Variants in PDXDC1 observed in about 807,000 individuals in gnomAD.
The protein encoded by PDXDC1 is pyridoxal-dependent decarboxylase domain-containing protein 1.
PDXDC1 carries 42 observed loss-of-function variants against 100.1 expected under a neutral mutation model. That is an observed-to-expected ratio of 0.42 (90% CI 0.33 to 0.54). PDXDC1 has a LOEUF of 0.54. Ranked by LOEUF, PDXDC1 falls within the 20% of genes least tolerant of loss-of-function variation. The pLI, the probability that PDXDC1 is intolerant of heterozygous loss-of-function variation, is 0.10. For missense variants in PDXDC1, 636 were observed against 979.2 expected (o/e 0.65, Z 4.68); for synonymous variants, 260 against 371.7 (o/e 0.70, Z 3.46).
chr16:15,090,438 A>G (rs1254590267), intron 16 of PDXDC1, among the ~76,000 whole-genome samples: 1 of 152,218 alleles, frequency 6.6e-6, no homozygotes, highest in East Asian at 1.9e-4. Flanking sequence ...AAGTATTTCC[A>G]TGTTTAAAGC....
chr16:14,985,281 C>CTT (rs769346480), intron 1 of PDXDC1, among the ~76,000 whole-genome samples: 2,097 of 114,024 alleles, frequency 0.018, 5 homozygotes, highest in Non-Finnish European at 0.023. Flanking sequence ...TGATAAACAA[C>CTT]TTTTTTTTTT....
At chr16:15,041,058 C>G, downstream of PDXDC1, 2 of 1,586,064 alleles carry the variant, frequency 1.3e-6, no homozygotes, top group Non-Finnish European at 1.7e-6. Flanking sequence ...AAAAGATGCA[C>G]ACTACTTACC....
At chr16:15,063,718 A>G (rs1488656536) in intron 16 of PDXDC1, among the ~76,000 whole-genome samples, 1 of 151,106 alleles carries the variant, frequency 6.6e-6, no homozygotes. Flanking sequence ...AAAAAAAAAA[A>G]AAAAGAAAAA....
At chr16:15,075,437 G>C (rs932444339) in intron 16 of PDXDC1, among the ~76,000 whole-genome samples, 1 of 151,754 alleles carries the variant, frequency 6.6e-6, no homozygotes, top group Non-Finnish European at 1.5e-5. Context: ...GCTGGGTGCG[G>C]TGGTACACTG....
rs1248237540 is a variant in PDXDC1, at chr16:15,029,994, C to G, written c.1337C>G (p.Thr446Arg). The change falls in exon 16 of 23, where the codon ACA becomes AGA. Residue 446 changes from threonine to arginine, a missense_variant. Around this residue, in one of 4 missense-constraint regions of PDXDC1, gnomAD observed 15 missense variants for 49.6 expected, o/e 0.30. Transcript: ENST00000396410. ...LKQLVPASGL[T>R]VMDLEAEGTC... The stretch of plus-strand genomic sequence containing the variant: ...CAGCTGGTGCCTGCAAGCGGCCTCA[C>G]AGTCATGGATCTGGAAGCTGAGGGC... The G allele has an allele frequency of 4.5e-6, 7 of 1,555,702 alleles. No homozygotes were observed. The East Asian group carries it at 1.5e-4, about 32-fold the overall frequency.
chr16:15,144,672 G>C, the PDXDC1 span, among the ~76,000 whole-genome samples: 1 of 152,188 alleles, frequency 6.6e-6, no homozygotes, highest in African/African-American at 2.4e-5. Flanking sequence ...ATGAGACGCC[G>C]GGGGTGACAT....
At chr16:15,034,825 ACT>A (rs1481142085) in intron 21 of PDXDC1, among the ~76,000 whole-genome samples, 5 of 152,044 alleles carry the variant, frequency 3.3e-5, no homozygotes, top group African/African-American at 1.2e-4. Context: ...AGCCGTGCAG[ACT>A]CTCAGGGTGC....
Position 15,035,461 on chromosome 16 carries a change from C to G in PDXDC1, c.2015C>G (p.Ser672Cys). 1.2e-6 allele frequency: 2 copies of G among 1,608,878 alleles called. No individual in the cohort carries two copies. The highest frequency in any genetic ancestry group is 1.7e-6 in the Non-Finnish European group (2 of 1,177,394). Residue 672 changes from serine to cysteine, a missense_variant, in exon 22 of 23, where the codon TCC (serine) becomes TGC (cysteine). Around this residue, in one of 4 missense-constraint regions of PDXDC1, gnomAD observed 452 missense variants for 402.9 expected, o/e 1.12. Transcript: ENST00000396410. ...TFNLTAGSLE[S>C]TEPIYVYKAQ... is the part of the protein sequence containing the mutation. The stretch of plus-strand genomic sequence containing the variant: ...TCCTCTCCCGCAGGCTCTCTGGAGT[C>G]CACAGAACCCATATATGTCTACAAA...
At chr16:15,039,409 T>C (rs1240302318), downstream of PDXDC1, among the ~76,000 whole-genome samples, 1 of 152,244 alleles carries the variant, frequency 6.6e-6, no homozygotes, top group Non-Finnish European at 1.5e-5. Context: ...ACTTTGAGCA[T>C]TTTTAAAGAA....
At position 15,032,761 on chromosome 16, in the gene PDXDC1, C is replaced by T. The variant is rs2043145510; in HGVS notation, c.1572-100C>T. ...GCAGTAGCTCTTTTGCCCACTGGTT[C>T]CACTGCATTGTCTTGCTAATATTTA... On this transcript the variant is annotated intron_variant, in intron 17 of 22. Transcript: ENST00000396410. 3 of 737,558 alleles carry T rather than the reference C, an allele frequency of 4.1e-6. No homozygotes were observed. In the East Asian group the frequency reaches 7.6e-5, roughly 19 times the overall value. The allele number at this position is 737,558 out of a possible 1,614,324, so 45.7% of individuals were successfully genotyped here. A position where few individuals can be genotyped will look rare whatever the true frequency, so the allele number is the denominator to read the frequency against.
At chr16:14,999,707 A>T (rs995992416) in intron 3 of PDXDC1, among the ~76,000 whole-genome samples, 5 of 152,266 alleles carry the variant, frequency 3.3e-5, no homozygotes, top group African/African-American at 4.8e-5. Context: ...AAAATGTCAA[A>T]TTACTTATTT....
At chr16:14,999,689 A>C (rs1436712516) in intron 3 of PDXDC1, among the ~76,000 whole-genome samples, 1 of 152,268 alleles carries the variant, frequency 6.6e-6, no homozygotes, top group Non-Finnish European at 1.5e-5. Context: ...CATAATGTAA[A>C]TGAAAGGAAA....
At chr16:15,125,765 G>A in intron 16 of PDXDC1, 2 of 1,519,782 alleles carry the variant, frequency 1.3e-6, no homozygotes, top group Non-Finnish European at 1.8e-6. Flanking sequence ...TCGATGTCCA[G>A]CACCTGCTGC....
At chr16:15,083,682 G>A in intron 16 of PDXDC1, 13 of 1,525,284 alleles carry the variant, frequency 8.5e-6, no homozygotes, top group Non-Finnish European at 1.2e-5. Context: ...GATAGACATA[G>A]GAGGCAAACA....
At chr16:15,014,796 G>C (rs1373577841) in intron 8 of PDXDC1, among the ~76,000 whole-genome samples, 2 of 152,290 alleles carry the variant, frequency 1.3e-5, no homozygotes, top group Non-Finnish European at 2.9e-5. Flanking sequence ...TCTCTGAAAA[G>C]GGATCTCCCC....
downstream of PDXDC1, chr16:15,038,520 A>G (rs530787461): frequency 5.4e-5 from 55 of 1,011,100 alleles, no homozygotes; most frequent in East Asian, 1.0e-3. Context: ...TTTCTTACAG[A>G]TGGGGAAACC....
intron 16 of PDXDC1, among the ~76,000 whole-genome samples, chr16:15,128,807 ATTTTT>A (rs965267518): frequency 2.1e-5 from 3 of 140,928 alleles, no homozygotes; most frequent in Non-Finnish European, 3.1e-5. Flanking sequence ...AGGTGACAGT[ATTTTT>A]TTTTTTTTTT....
intron 13 of PDXDC1, among the ~76,000 whole-genome samples, chr16:15,024,662 C>T (rs2042452658): frequency 6.6e-6 from 1 of 152,282 alleles, no homozygotes; most frequent in African/African-American, 2.4e-5. Flanking sequence ...CCACCCGCCT[C>T]AGCCTCCCAA....
At position 15,063,252 on chromosome 16, in the gene PDXDC1, C is replaced by T. The variant is rs750560186; in HGVS notation, c.1399+33196C>T. ...TCTTCAGCACTCATGTCTTCCCACA[C>T]CTGATAAATAGGATCAATGAATTTC... On this transcript the variant is annotated intron_variant, in intron 16 of 16. Transcript: ENST00000535621. 29 of 1,613,406 alleles carry T rather than the reference C, an allele frequency of 1.8e-5. No individual in the cohort carries two copies. The South Asian group carries it at 2.6e-4, about 15-fold the overall frequency.
Sources: allele counts gnomAD v4.1 joint callset (sites outside exome capture counted in the v4.1 genomes callset), GRCh38; gene constraint gnomAD v4.1.1; regional missense constraint gnomAD v4.1.1; transcripts MANE v1.5; gene names NCBI Gene and HGNC (gene_info 2026-07-23, HGNC 2026-07-21).